Variants in SUMF1 observed in about 807,000 individuals in gnomAD.
SUMF1 encodes sulfatase modifying factor 1, also known as formylglycine-generating enzyme.
Under a neutral mutation model 47.6 loss-of-function variants are expected in SUMF1, and 48 were observed. The ratio of observed to expected loss-of-function variants is 1.01; its 90% confidence interval spans 0.80 to 1.28. SUMF1 has a LOEUF of 1.28. Ranked by LOEUF, SUMF1 falls within the 50% of genes most tolerant of loss-of-function variation. The pLI, the probability that SUMF1 is intolerant of heterozygous loss-of-function variation, is 0.00. For synonymous variants in SUMF1, 230 were observed against 192.1 expected, an observed-to-expected ratio of 1.20 and a Z score of -1.63; for missense variants, 571 against 485.4, an observed-to-expected ratio of 1.18 and a Z score of -1.66.
rs1911899 is a variant in SUMF1 at position 4,209,116 on chromosome 3, G to T, written c.1015-140371C>A. On this transcript the variant is annotated intron_variant and NMD_transcript_variant, in intron 8 of 12. Coordinates refer to the SUMF1 transcript ENST00000448413. ...TCTCCAGTTAAAACATCTAGACCTG[G>T]CCACTTTATGGGATATTATCCTTTT... 7.9e-5 allele frequency among the ~76,000 whole-genome samples: 12 copies of T among 152,148 alleles called. No individual in the cohort carries two copies. The South Asian group carries it at 1.5e-3, about 18-fold the overall frequency.
chr3:4,396,709 C>G (rs978006648), intron 7 of SUMF1, among the ~76,000 whole-genome samples: 1 of 152,162 alleles, frequency 6.6e-6, no homozygotes, highest in Non-Finnish European at 1.5e-5. Flanking sequence ...AGATAAGCAA[C>G]TACAATCTTC....
chr3:4,402,171 A>G (rs529430445), intron 7 of SUMF1, among the ~76,000 whole-genome samples: 2 of 152,282 alleles, frequency 1.3e-5, no homozygotes, highest in Admixed American at 1.3e-4. Context: ...TTACTTAAGA[A>G]ACTAAAAGAA....
intron 9 of SUMF1, among the ~76,000 whole-genome samples, chr3:4,059,940 G>C (rs1695250506): frequency 6.6e-6 from 1 of 152,146 alleles, no homozygotes; most frequent in African/African-American, 2.4e-5. Context: ...TGTAGCAAGA[G>C]GGACCACACA....
intron 8 of SUMF1, among the ~76,000 whole-genome samples, chr3:4,154,722 G>A (rs1694413844): frequency 6.6e-6 from 1 of 151,536 alleles, no homozygotes. Context: ...CTCTGCTGAA[G>A]AAAACAGGTC....
chr3:4,248,156 T>C (rs1696711865), intron 8 of SUMF1, among the ~76,000 whole-genome samples: 1 of 152,170 alleles, frequency 6.6e-6, no homozygotes, highest in Non-Finnish European at 1.5e-5. Flanking sequence ...CATTGCCCAG[T>C]GATGCTCTAG....
intron 8 of SUMF1, among the ~76,000 whole-genome samples, chr3:4,178,554 G>A (rs1428365428): frequency 6.6e-6 from 1 of 152,080 alleles, no homozygotes; most frequent in African/African-American, 2.4e-5. Context: ...AACAATAAGA[G>A]CTATTTATGA....
chr3:4,421,306 G>A (rs1169233847), intron 3 of SUMF1, among the ~76,000 whole-genome samples: 1 of 152,116 alleles, frequency 6.6e-6, no homozygotes, highest in East Asian at 1.9e-4. Flanking sequence ...GTTATTACAA[G>A]GAGGAAATAT....
chr3:4,313,102 C>T, intron 8 of SUMF1: 1 of 1,614,002 alleles, frequency 6.2e-7, no homozygotes, highest in African/African-American at 1.3e-5. Flanking sequence ...ATGCAATGTC[C>T]TGTGCCGATG....
At chr3:4,229,583 G>T (rs1465720348) in intron 8 of SUMF1, among the ~76,000 whole-genome samples, 1 of 152,106 alleles carries the variant, frequency 6.6e-6, no homozygotes, top group Non-Finnish European at 1.5e-5. Flanking sequence ...TTAGCATAAT[G>T]CCTGACACAC....
chr3:4,083,574 C>T (rs1049712946), intron 8 of SUMF1, among the ~76,000 whole-genome samples: 2 of 152,100 alleles, frequency 1.3e-5, no homozygotes, highest in African/African-American at 2.4e-5. Flanking sequence ...CTACCACTAT[C>T]GTCCATTTGC....
At chr3:4,438,882 G>T (rs1305304892) in intron 3 of SUMF1, among the ~76,000 whole-genome samples, 1 of 152,144 alleles carries the variant, frequency 6.6e-6, no homozygotes, top group Non-Finnish European at 1.5e-5. Flanking sequence ...ATTTATGAAA[G>T]TTGACCCCTG....
At chr3:4,191,009 A>G (rs1011994877) in intron 8 of SUMF1, among the ~76,000 whole-genome samples, 64 of 152,300 alleles carry the variant, frequency 4.2e-4, no homozygotes, top group African/African-American at 1.3e-3. Context: ...GAGTTCTACC[A>G]ACTCTATAAA....
intron 8 of SUMF1, among the ~76,000 whole-genome samples, chr3:4,215,823 C>A (rs1695910522): frequency 6.6e-6 from 1 of 152,062 alleles, no homozygotes; most frequent in African/African-American, 2.4e-5. Context: ...CCTAGGAATA[C>A]AACTCATAAG....
At chr3:4,268,005 G>T (rs1315054234) in intron 8 of SUMF1, among the ~76,000 whole-genome samples, 1 of 151,882 alleles carries the variant, frequency 6.6e-6, no homozygotes. Flanking sequence ...AACAATGATA[G>T]ACTGGATTAA....
At chr3:4,355,126 G>A (rs936483469) in intron 8 of SUMF1, among the ~76,000 whole-genome samples, 18 of 152,182 alleles carry the variant, frequency 1.2e-4, no homozygotes, top group Non-Finnish European at 1.5e-5. Flanking sequence ...GAGGCAAGTG[G>A]ATTGCTTGAG....
At chr3:4,090,093 C>G (rs1692752066) in intron 8 of SUMF1, among the ~76,000 whole-genome samples, 1 of 152,260 alleles carries the variant, frequency 6.6e-6, no homozygotes, top group African/African-American at 2.4e-5. Flanking sequence ...AGCACAGTGC[C>G]TGGCCATAGC....
chr3:4,265,111 T>A (rs1490230495), intron 8 of SUMF1, among the ~76,000 whole-genome samples: 4 of 123,018 alleles, frequency 3.3e-5, no homozygotes, highest in Non-Finnish European at 6.2e-5. Context: ...CACTCCAGAC[T>A]GGGTGACAGA....
At chr3:4,252,238 T>C (rs1293821543) in intron 8 of SUMF1, among the ~76,000 whole-genome samples, 2 of 152,120 alleles carry the variant, frequency 1.3e-5, no homozygotes, top group African/African-American at 4.8e-5. Flanking sequence ...TGTCCTCTTC[T>C]CCATGAGCTA....
At chr3:4,392,615 G>GTATATA (rs58350223) in intron 7 of SUMF1, among the ~76,000 whole-genome samples, 11 of 96,106 alleles carry the variant, frequency 1.1e-4, no homozygotes, top group East Asian at 2.4e-4. Flanking sequence ...GTGTGTGTGT[G>GTATATA]TATATATATA....
Sources: allele counts gnomAD v4.1 joint callset (sites outside exome capture counted in the v4.1 genomes callset), GRCh38; gene constraint gnomAD v4.1.1; transcripts MANE v1.5; gene names NCBI Gene and HGNC (gene_info 2026-07-23, HGNC 2026-07-21).